Variants in DIPK1A observed in about 807,000 individuals in gnomAD.
DIPK1A encodes divergent protein kinase domain 1A.
A neutral mutation model predicts 40.8 loss-of-function variants in DIPK1A; 27 were observed. The observed-to-expected ratio is 0.66, with a 90% CI of 0.49 to 0.91. The LOEUF (loss-of-function observed/expected upper bound fraction) is 0.91, where lower values mean the gene tolerates loss of function less well. Among genes scored for constraint, DIPK1A ranks in the 40% least tolerant of loss-of-function variants. DIPK1A has a pLI of 0.00. For missense variants in DIPK1A, 412 were observed against 505.7 expected (o/e 0.81, Z 1.78); for synonymous variants, 166 against 171.3 (o/e 0.97, Z 0.24).
At chr1:92,834,082 C>T (rs1226837155) in intron 4 of DIPK1A, 4 of 256,270 alleles carry the variant, frequency 1.6e-5, no homozygotes, top group South Asian at 1.4e-4. Context: ...GGTGACAGAG[C>T]AAGACACTGA....
chr1:92,940,500 C>T (rs1048038041), intron 1 of DIPK1A, among the ~76,000 whole-genome samples: 4 of 152,154 alleles, frequency 2.6e-5, no homozygotes, highest in African/African-American at 9.7e-5. Context: ...CAGACAAATG[C>T]CAAGTTCCTT....
chr1:92,834,956 T>C, intron 4 of DIPK1A: 1 of 1,599,608 alleles, frequency 6.3e-7, no homozygotes, highest in South Asian at 1.1e-5. Flanking sequence ...TGTGGCTGAT[T>C]GCTTGGAGAG....
At chr1:92,851,685 T>C (rs1402852555) in intron 2 of DIPK1A, among the ~76,000 whole-genome samples, 1 of 148,228 alleles carries the variant, frequency 6.7e-6, no homozygotes, top group African/African-American at 2.5e-5. Flanking sequence ...TCTGAAAAAA[T>C]ATGGTACCAA....
At chr1:92,834,631 T>A in intron 4 of DIPK1A, 1 of 1,027,418 alleles carries the variant, frequency 9.7e-7, no homozygotes, top group Non-Finnish European at 1.5e-6. Flanking sequence ...CACCTCTAAT[T>A]TACTGGTAAC....
At chr1:92,915,644 T>C (rs1650023534) in intron 1 of DIPK1A, among the ~76,000 whole-genome samples, 1 of 152,170 alleles carries the variant, frequency 6.6e-6, no homozygotes, top group Admixed American at 6.5e-5. Flanking sequence ...CAAAAGATCA[T>C]CTGGGAACTC....
chr1:92,899,265 T>A (rs964252341), intron 1 of DIPK1A, among the ~76,000 whole-genome samples: 4 of 152,224 alleles, frequency 2.6e-5, no homozygotes, highest in Non-Finnish European at 4.4e-5. Flanking sequence ...TGTTATATCC[T>A]CTGGCTGAAT....
At chr1:92,836,571 T>G in intron 4 of DIPK1A, 1 of 633,740 alleles carries the variant, frequency 1.6e-6, no homozygotes, top group East Asian at 2.8e-5. Context: ...TTTTATAAAT[T>G]AAGAGTCTGA....
At chr1:92,841,806 C>A, downstream of DIPK1A, 3 of 1,611,710 alleles carry the variant, frequency 1.9e-6, no homozygotes, top group Non-Finnish European at 2.5e-6. Context: ...GAAGAAGGAT[C>A]GGGTAGCTCA....
chr1:92,914,945 A>G (rs189341613), intron 1 of DIPK1A, among the ~76,000 whole-genome samples: 213 of 151,756 alleles, frequency 1.4e-3, no homozygotes, highest in African/African-American at 5.0e-3. Context: ...AAAATTAGCC[A>G]GGAGTGGTGG....
At chr1:92,876,534 T>G (rs1456710196) in intron 1 of DIPK1A, 104 bp from the exon 2 acceptor site, 2 of 1,205,296 alleles carry the variant, frequency 1.7e-6, no homozygotes, top group African/African-American at 3.1e-5. Flanking sequence ...TCAATATATA[T>G]TCCAGGCTTT....
chr1:92,939,077 T>C (rs1018944508), intron 1 of DIPK1A, among the ~76,000 whole-genome samples: 1 of 152,108 alleles, frequency 6.6e-6, no homozygotes, highest in African/African-American at 2.4e-5. Flanking sequence ...ATTTTTCGTA[T>C]TTTTAGCAGA....
intron 2 of DIPK1A, among the ~76,000 whole-genome samples, chr1:92,853,720 C>T (rs1369509926): frequency 6.6e-6 from 1 of 152,026 alleles, no homozygotes; most frequent in Non-Finnish European, 1.5e-5. Flanking sequence ...TGTTTTTGAA[C>T]ACATAAGGTT....
chr1:92,918,759 T>C (rs1247806056), intron 1 of DIPK1A, among the ~76,000 whole-genome samples: 1 of 152,150 alleles, frequency 6.6e-6, no homozygotes, highest in African/African-American at 2.4e-5. Context: ...GGAAGACGGT[T>C]TTGCAACAGA....
chr1:92,858,016 T>C (rs1688043827), intron 2 of DIPK1A, among the ~76,000 whole-genome samples: 2 of 152,196 alleles, frequency 1.3e-5, no homozygotes, highest in African/African-American at 4.8e-5. Context: ...TTCATCCTTA[T>C]TTCCTGAGGA....
intron 1 of DIPK1A, among the ~76,000 whole-genome samples, chr1:92,913,445 A>G (rs1314749410): frequency 1.3e-5 from 2 of 152,236 alleles, no homozygotes; most frequent in South Asian, 2.1e-4. Flanking sequence ...TGCTTCGAGA[A>G]GACAGATTCT....
At chr1:92,833,728 A>AAT in intron 4 of DIPK1A, 3 of 1,283,542 alleles carry the variant, frequency 2.3e-6, no homozygotes, top group Non-Finnish European at 3.4e-6. Flanking sequence ...AGCAAAGCAC[A>AAT]TGGTGTGTGT....
chr1:92,901,441 T>C (rs1649406649), intron 1 of DIPK1A, among the ~76,000 whole-genome samples: 1 of 151,992 alleles, frequency 6.6e-6, no homozygotes, highest in African/African-American at 2.4e-5. Context: ...GGATCTGTGA[T>C]TGTGAAGTAC....
chr1:92,893,132 G>A (rs1490611427), intron 1 of DIPK1A, among the ~76,000 whole-genome samples: 3 of 151,622 alleles, frequency 2.0e-5, no homozygotes. Context: ...CCAACATTCA[G>A]ATTCAGGAAA....
Position 92,876,298 on chromosome 1 carries a change from T to A in DIPK1A, c.187A>T (p.Ile63Leu). The A allele has an allele frequency of 6.6e-7, 1 of 1,519,280 alleles. No homozygotes were observed. The highest frequency in any genetic ancestry group is 1.4e-5 in the African/African-American group (1 of 71,514). The allele number at this position is 1,519,280 out of a possible 1,614,324, so 94.1% of individuals were successfully genotyped here. The change falls in exon 2 of 5, where the codon ATA becomes TTA. Residue 63 changes from isoleucine to leucine, a missense_variant and splice_region_variant. By Grantham distance (5) the Ile-to-Leu change is conservative. Coordinates refer to ENST00000370310, the MANE Select transcript of DIPK1A (RefSeq NM_001006605.5). ...LCRGKDCKKI[I>L]CDKYKTGVID... ...AACAGGAAATTTAAAATACTTACTA[T>A]TATTTTCTTACAGTCCTTTCCTCTG...
Sources: allele counts gnomAD v4.1 joint callset (sites outside exome capture counted in the v4.1 genomes callset), GRCh38; gene constraint gnomAD v4.1.1; transcripts MANE v1.5; gene names NCBI Gene and HGNC (gene_info 2026-07-23, HGNC 2026-07-21).